Variants in PHF24 observed in about 807,000 individuals in gnomAD.
The protein encoded by PHF24 is PHD finger protein 24, also known as Galpha inhibitory interacting protein.
A neutral mutation model predicts 42.6 loss-of-function variants in PHF24; 25 were observed. The ratio of observed to expected loss-of-function variants is 0.59; its 90% CI spans 0.43 to 0.82. PHF24 has a LOEUF of 0.82. Ranked by LOEUF, PHF24 falls within the 40% of genes least tolerant of loss-of-function variation. The pLI is 0.00. For missense variants in PHF24, 470 were observed against 538.1 expected, an observed-to-expected ratio of 0.87 and a Z score of 1.25; for synonymous variants, 185 against 204.8, an observed-to-expected ratio of 0.90 and a Z score of 0.83.
At chr9:34,779,580 G>T in the PHF24 span, among the ~76,000 whole-genome samples, 25,613 of 152,066 alleles carry the variant, frequency 0.17, 2,300 homozygotes, top group South Asian at 0.24. Context: ...GAAGAACAAA[G>T]TTGGAGGAAT....
chr9:34,689,052 G>A, the PHF24 span, among the ~76,000 whole-genome samples: 1 of 152,196 alleles, frequency 6.6e-6, no homozygotes, highest in Non-Finnish European at 1.5e-5. The surrounding 1 kb of genome is among the most constrained non-coding windows in gnomAD (Gnocchi z 4.1). Flanking sequence ...AGCCAGGTGG[G>A]CAGAGGAGAG....
At chr9:34,892,888 C>A in the PHF24 span, 1 of 699,992 alleles carries the variant, frequency 1.4e-6, no homozygotes, top group South Asian at 1.5e-5. Context: ...TTAATTGTGA[C>A]AGTGTTGGAG....
At chr9:34,754,322 A>C in the PHF24 span, among the ~76,000 whole-genome samples, 1 of 152,172 alleles carries the variant, frequency 6.6e-6, no homozygotes, top group African/African-American at 2.4e-5. Flanking sequence ...GGAGCACTCT[A>C]TAGGAAACAA....
the PHF24 span, among the ~76,000 whole-genome samples, chr9:34,814,293 A>G: frequency 6.6e-6 from 1 of 152,108 alleles, no homozygotes; most frequent in African/African-American, 2.4e-5. Flanking sequence ...ATTTTTACCT[A>G]TCACTAATCA....
At chr9:34,957,176 T>C (rs550095046), upstream of PHF24, among the ~76,000 whole-genome samples, 42 of 152,354 alleles carry the variant, frequency 2.8e-4, no homozygotes, top group African/African-American at 8.7e-4. Flanking sequence ...ATATCCTCTA[T>C]TGGTAAATTC....
the PHF24 span, among the ~76,000 whole-genome samples, chr9:34,730,635 C>A: frequency 7.7e-3 from 1,175 of 152,330 alleles, 8 homozygotes; most frequent in Non-Finnish European, 0.011. Flanking sequence ...AAAGCAAGAG[C>A]CAACAATCAC....
At chr9:34,945,012 A>G in the PHF24 span, among the ~76,000 whole-genome samples, 9 of 152,174 alleles carry the variant, frequency 5.9e-5, no homozygotes, top group African/African-American at 1.7e-4. Flanking sequence ...CAAAGCATCA[A>G]TTCAGCTTAG....
the PHF24 span, among the ~76,000 whole-genome samples, chr9:34,932,054 G>A: frequency 2.0e-5 from 3 of 152,188 alleles, no homozygotes; most frequent in Admixed American, 2.0e-4. Flanking sequence ...ACGGGAGGGT[G>A]AGAACACAAC....
chr9:34,773,023 T>C, the PHF24 span, among the ~76,000 whole-genome samples: 1 of 150,834 alleles, frequency 6.6e-6, no homozygotes, highest in Non-Finnish European at 1.5e-5. Flanking sequence ...GGAATTTTGC[T>C]CTTGTTGCCC....
At chr9:34,937,776 C>T in the PHF24 span, among the ~76,000 whole-genome samples, 3 of 152,164 alleles carry the variant, frequency 2.0e-5, no homozygotes, top group Non-Finnish European at 4.4e-5. Flanking sequence ...GCTAGCCCTG[C>T]GCAGAGATGG....
chr9:34,780,028 T>C, the PHF24 span, among the ~76,000 whole-genome samples: 1 of 151,502 alleles, frequency 6.6e-6, no homozygotes, highest in Non-Finnish European at 1.5e-5. Flanking sequence ...GCCCAGCTGG[T>C]CAGTTGATTT....
chr9:34,861,920 T>G, the PHF24 span, among the ~76,000 whole-genome samples: 1 of 152,200 alleles, frequency 6.6e-6, no homozygotes, highest in South Asian at 2.1e-4. Flanking sequence ...CTTAGACTAT[T>G]CAGGCTGCCA....
the PHF24 span, among the ~76,000 whole-genome samples, chr9:34,936,659 G>A: frequency 6.6e-6 from 1 of 151,710 alleles, no homozygotes; most frequent in African/African-American, 2.4e-5. Flanking sequence ...CATCTAGGAA[G>A]TGAGGAGCGT....
At chr9:34,878,672 C>T in the PHF24 span, among the ~76,000 whole-genome samples, 1 of 152,304 alleles carries the variant, frequency 6.6e-6, no homozygotes, top group East Asian at 1.9e-4. Flanking sequence ...GGGGGAGGGG[C>T]GTCCGCCATT....
chr9:34,794,434 T>C, the PHF24 span, among the ~76,000 whole-genome samples: 1 of 152,204 alleles, frequency 6.6e-6, no homozygotes, highest in Non-Finnish European at 1.5e-5. Flanking sequence ...GCAAAGTTAT[T>C]CAACATATGA....
chr9:34,961,930 T>C (rs1826601440), intron 1 of PHF24, among the ~76,000 whole-genome samples: 1 of 152,212 alleles, frequency 6.6e-6, no homozygotes, highest in Non-Finnish European at 1.5e-5. Context: ...TAATTGGCTC[T>C]CTCTCTTTTT....
chr9:34,804,075 C>T, the PHF24 span, among the ~76,000 whole-genome samples: 1 of 152,080 alleles, frequency 6.6e-6, no homozygotes, highest in African/African-American at 2.4e-5. Context: ...TAAAAGGGGC[C>T]AGAGAGAGAC....
the PHF24 span, among the ~76,000 whole-genome samples, chr9:34,731,457 T>C: frequency 6.6e-6 from 1 of 152,128 alleles, no homozygotes; most frequent in Non-Finnish European, 1.5e-5. Context: ...CCCGCTACCT[T>C]TCCCAGCCTC....
chr9:34,718,203 T>C, the PHF24 span, among the ~76,000 whole-genome samples: 1 of 152,092 alleles, frequency 6.6e-6, no homozygotes, highest in Non-Finnish European at 1.5e-5. Context: ...TCCCCTAATA[T>C]GCTACTTGCC....
Sources: gnomAD v4.1 joint callset for allele counts (sites outside exome capture counted in the v4.1 genomes callset) on GRCh38, gnomAD v4.1.1 for gene constraint, Gnocchi (gnomAD v3.1) non-coding constraint, MANE v1.5 for transcripts, NCBI Gene and HGNC (gene_info 2026-07-23, HGNC 2026-07-21) for gene names.